Variants in BLTP1 observed in about 807,000 individuals in gnomAD.
The protein encoded by BLTP1 is bridge-like lipid transfer protein family member 1.
At chr4:122,270,990 G>A in the BLTP1 span, 3 of 1,539,764 alleles carry the variant, frequency 1.9e-6, no homozygotes, top group African/African-American at 2.8e-5. Flanking sequence ...AAGAAAAACC[G>A]TGTCCTTTTT....
At chr4:122,183,639 T>A in the BLTP1 span, 1 of 398,786 alleles carries the variant, frequency 2.5e-6, no homozygotes, top group Non-Finnish European at 3.4e-6. Flanking sequence ...CTCTACAAGT[T>A]ACAATCACAG....
At chr4:122,216,623 TTGC>T in the BLTP1 span, among the ~76,000 whole-genome samples, 1 of 152,208 alleles carries the variant, frequency 6.6e-6, no homozygotes, top group Non-Finnish European at 1.5e-5. Flanking sequence ...TGTTTTTTCC[TTGC>T]TGATTTGTTT....
chr4:122,265,217 G>A, the BLTP1 span, among the ~76,000 whole-genome samples: 1 of 152,030 alleles, frequency 6.6e-6, no homozygotes, highest in African/African-American at 2.4e-5. Context: ...GTATGCCCAA[G>A]TCCCTTATAT....
chr4:122,275,248 C>A, the BLTP1 span, among the ~76,000 whole-genome samples: 1 of 151,968 alleles, frequency 6.6e-6, no homozygotes, highest in Non-Finnish European at 1.5e-5. Context: ...CCAGAAGCCT[C>A]ACCTAGATTA....
At chr4:122,327,258 A>G in the BLTP1 span, among the ~76,000 whole-genome samples, 1 of 151,636 alleles carries the variant, frequency 6.6e-6, no homozygotes, top group Non-Finnish European at 1.5e-5. Context: ...GCATACCAAT[A>G]TCCACAAATA....
At chr4:122,154,186 T>G in the BLTP1 span, 1 of 932,890 alleles carries the variant, frequency 1.1e-6, no homozygotes, top group Non-Finnish European at 1.3e-6. Flanking sequence ...TTTTTTTTTT[T>G]TTTTTTTGAG....
the BLTP1 span, among the ~76,000 whole-genome samples, chr4:122,158,820 A>G: frequency 1.3e-5 from 2 of 152,184 alleles, no homozygotes; most frequent in Non-Finnish European, 2.9e-5. Flanking sequence ...ATTTAGGTGA[A>G]CCAGCATAAA....
At chr4:122,273,781 G>C in the BLTP1 span, among the ~76,000 whole-genome samples, 1 of 151,824 alleles carries the variant, frequency 6.6e-6, no homozygotes, top group Non-Finnish European at 1.5e-5. Flanking sequence ...TAAAGAACTG[G>C]TTATTTTTAT....
At chr4:122,233,960 A>G in the BLTP1 span, among the ~76,000 whole-genome samples, 1 of 152,184 alleles carries the variant, frequency 6.6e-6, no homozygotes, top group African/African-American at 2.4e-5. Flanking sequence ...AGGTGATAAT[A>G]CCTATTCTGT....
the BLTP1 span, among the ~76,000 whole-genome samples, chr4:122,332,774 C>G: frequency 1.7e-5 from 2 of 119,708 alleles, no homozygotes; most frequent in Non-Finnish European, 3.5e-5. Flanking sequence ...AATGCTATCC[C>G]TCCCCCCTCC....
chr4:122,359,618 TGAC>T, the BLTP1 span: 2 of 1,612,672 alleles, frequency 1.2e-6, no homozygotes, highest in African/African-American at 1.3e-5. Context: ...TTATTATACA[TGAC>T]GACAATTCCT....
chr4:122,217,894 T>C, the BLTP1 span, among the ~76,000 whole-genome samples: 2 of 152,154 alleles, frequency 1.3e-5, no homozygotes, highest in Non-Finnish European at 2.9e-5. Context: ...TCTCACTGTT[T>C]GTTATTCATC....
At chr4:122,352,502 G>T in the BLTP1 span, among the ~76,000 whole-genome samples, 2 of 151,814 alleles carry the variant, frequency 1.3e-5, no homozygotes, top group South Asian at 4.1e-4. Flanking sequence ...TGGGACTACA[G>T]GCGTGCTCCA....
At chr4:122,279,624 A>G in the BLTP1 span, 1 of 836,026 alleles carries the variant, frequency 1.2e-6, no homozygotes, top group Non-Finnish European at 1.8e-6. Context: ...TAATTCTGAA[A>G]TCTACACTTT....
chr4:122,232,304 C>T, the BLTP1 span: 1 of 172,148 alleles, frequency 5.8e-6, no homozygotes, highest in East Asian at 1.9e-4. Flanking sequence ...TTCCCTGTAT[C>T]CCCCAAGTAG....
At chr4:122,301,261 T>TA in the BLTP1 span, 4 of 1,496,230 alleles carry the variant, frequency 2.7e-6, no homozygotes, top group East Asian at 2.5e-5. Flanking sequence ...TTTTTTTTCT[T>TA]TAAAAAAAAA....
chr4:122,195,842 A>G, the BLTP1 span, among the ~76,000 whole-genome samples: 1 of 152,080 alleles, frequency 6.6e-6, no homozygotes, highest in Admixed American at 6.6e-5. Flanking sequence ...GGTTCATCTA[A>G]TTTTTCCCAG....
the BLTP1 span, chr4:122,313,584 A>G: frequency 3.3e-6 from 5 of 1,514,816 alleles, no homozygotes; most frequent in African/African-American, 4.2e-5. Flanking sequence ...ATAGTCACAA[A>G]TGTATTTTTA....
the BLTP1 span, chr4:122,308,105 TC>T: frequency 6.2e-7 from 1 of 1,613,312 alleles, no homozygotes; most frequent in African/African-American, 1.3e-5. Context: ...ACTCTTTTTC[TC>T]CAGCTCACTG....
Sources: gnomAD v4.1 joint callset for allele counts (sites outside exome capture counted in the v4.1 genomes callset) on GRCh38, gnomAD v4.1.1 for gene constraint, MANE v1.5 for transcripts, NCBI Gene and HGNC (gene_info 2026-07-23, HGNC 2026-07-21) for gene names.